The following NBAS variants were observed in gnomAD, a reference collection of about 807,000 sequenced individuals.
The protein encoded by NBAS is NBAS subunit of NRZ tethering complex.
NBAS carries 219 observed loss-of-function variants against 302.5 expected under a neutral mutation model. The ratio of observed to expected loss-of-function variants is 0.72; its 90% CI spans 0.65 to 0.81. The LOEUF (loss-of-function observed/expected upper bound fraction) is 0.81. Among genes scored for constraint, NBAS ranks in the 30% least tolerant of loss-of-function variants. The pLI, the probability that NBAS is intolerant of heterozygous loss-of-function variation, is 0.00. For synonymous variants in NBAS, 1,118 were observed against 1,021.6 expected, an observed-to-expected ratio of 1.09 and a Z score of -1.80; for missense variants, 2,932 against 2,841.6, an observed-to-expected ratio of 1.03 and a Z score of -0.72.
At chr2:14,833,093 G>T in the NBAS span, among the ~76,000 whole-genome samples, 1 of 152,156 alleles carries the variant, frequency 6.6e-6, no homozygotes, top group Non-Finnish European at 1.5e-5. Context: ...GTCTATCTCA[G>T]AATCTTTAAG....
rs141933916 is a variant in NBAS, at chr2:15,473,278, A to G, written c.1669T>C (p.Tyr557His). The change falls in exon 16 of 52, where the codon TAT becomes CAT. Residue 557 changes from tyrosine (Y) to histidine (H), a missense_variant. By Grantham distance (83) the Tyr-to-His change is moderately conservative (BLOSUM62 2). Coordinates refer to ENST00000281513, the MANE Select transcript of NBAS (RefSeq NM_015909.4). ...GCTGACTTCCTCCACTGCCTCTGAT[A>G]TACAAGGTCAGTATCCAGGCCGTAG... is the stretch of plus-strand genomic sequence containing the variant. ...HTYGLDTDLV[Y>H]QRQWRKSAVN... 91 of 1,614,122 alleles carry G rather than the reference A, an allele frequency of 5.6e-5. No individual in the cohort carries two copies. The African/African-American group carries it at 1.1e-3, about 20-fold the overall frequency.
the NBAS span, among the ~76,000 whole-genome samples, chr2:14,874,889 A>T: frequency 6.6e-6 from 1 of 152,106 alleles, no homozygotes; most frequent in Non-Finnish European, 1.5e-5. Flanking sequence ...CTAAGAAACT[A>T]AAAAAACAAA....
chr2:15,008,901 A>T, the NBAS span, among the ~76,000 whole-genome samples: 1 of 152,138 alleles, frequency 6.6e-6, no homozygotes, highest in Non-Finnish European at 1.5e-5. Flanking sequence ...GGTCCCTTTG[A>T]TCCTCATAAA....
At position 15,332,973 on chromosome 2, in the gene NBAS, G is replaced by A. The variant is rs577839799; in HGVS notation, c.4180-2208C>T. On this transcript the variant is annotated intron_variant, in intron 35 of 51. Transcript: ENST00000281513. Reference sequence around the variant, plus strand: ...CTACTAGGCAATGGGGTGACAAAAAGGAGTAAGACACAGGCTCTGCCCTCA... The same window carrying A: ...CTACTAGGCAATGGGGTGACAAAAAAGAGTAAGACACAGGCTCTGCCCTCA... 7.2e-5 allele frequency among the ~76,000 whole-genome samples: 11 copies of A among 152,280 alleles called. No homozygotes were observed. The East Asian group carries it at 2.1e-3, about 29-fold the overall frequency.
intron 9 of NBAS, 33 bp downstream of exon 9, chr2:15,534,510 T>A: frequency 1.4e-6 from 2 of 1,423,888 alleles, no homozygotes; most frequent in Non-Finnish European, 2.0e-6. Context: ...CATTTCTATG[T>A]CCCACTAAAT....
intron 9 of NBAS, among the ~76,000 whole-genome samples, chr2:15,527,213 A>G (rs890579104): frequency 2.0e-5 from 3 of 152,214 alleles, no homozygotes; most frequent in Non-Finnish European, 4.4e-5. Flanking sequence ...TCAAAAAATA[A>G]GAGTTACTTA....
intron 14 of NBAS, 28 bp from the exon 15 acceptor site, chr2:15,474,352 A>C: frequency 6.3e-7 from 1 of 1,582,980 alleles, no homozygotes; most frequent in Non-Finnish European, 8.6e-7. Context: ...ATTTGAAGTT[A>C]ATAGTAAGGA....
At chr2:14,906,397 T>C in the NBAS span, among the ~76,000 whole-genome samples, 8 of 152,218 alleles carry the variant, frequency 5.3e-5, no homozygotes, top group East Asian at 1.5e-3. Context: ...GGATTCACAC[T>C]CACATCTCAT....
chr2:15,408,919 G>C (rs1024869), intron 25 of NBAS, among the ~76,000 whole-genome samples: 91,968 of 151,898 alleles, frequency 0.61, 28,816 homozygotes, highest in Non-Finnish European at 0.68. Context: ...TGCCTGTATT[G>C]CTAGTGCTTT....
intron 44 of NBAS, among the ~76,000 whole-genome samples, chr2:15,254,358 C>T (rs1035564727): frequency 1.3e-5 from 2 of 152,182 alleles, no homozygotes; most frequent in Non-Finnish European, 2.9e-5. Flanking sequence ...AACTCCATTT[C>T]CAGCATGGCA....
the NBAS span, among the ~76,000 whole-genome samples, chr2:15,035,115 G>T: frequency 6.9e-6 from 1 of 145,198 alleles, no homozygotes; most frequent in East Asian, 2.0e-4. Flanking sequence ...GGGAGTGTGG[G>T]GTTTTTTTTT....
At chr2:15,499,036 T>C (rs1022925970) in intron 11 of NBAS, among the ~76,000 whole-genome samples, 2 of 151,572 alleles carry the variant, frequency 1.3e-5, no homozygotes, top group Non-Finnish European at 1.5e-5. Context: ...TCAAACAATC[T>C]TCCCACCTCA....
the NBAS span, among the ~76,000 whole-genome samples, chr2:14,803,432 G>C: frequency 6.6e-6 from 1 of 152,104 alleles, no homozygotes; most frequent in South Asian, 2.1e-4. Context: ...TCACTACCTT[G>C]GCCTTCCTAG....
At chr2:15,183,220 G>T (rs142660656) in intron 50 of NBAS, among the ~76,000 whole-genome samples, 1 of 152,036 alleles carries the variant, frequency 6.6e-6, no homozygotes, top group Non-Finnish European at 1.5e-5. Context: ...ATTCACATTT[G>T]AGCACATTTA....
chr2:15,105,719 A>G, the NBAS span, among the ~76,000 whole-genome samples: 1 of 152,160 alleles, frequency 6.6e-6, no homozygotes, highest in African/African-American at 2.4e-5. Context: ...ATTAGGCACA[A>G]CCACAATTCT....
chr2:15,491,711 G>A (rs1427574910), intron 11 of NBAS, among the ~76,000 whole-genome samples: 1 of 151,610 alleles, frequency 6.6e-6, no homozygotes, highest in African/African-American at 2.4e-5. Context: ...ACTCCAGCCT[G>A]GGCGACAGAG....
the NBAS span, among the ~76,000 whole-genome samples, chr2:15,110,905 C>A: frequency 6.6e-6 from 1 of 151,942 alleles, no homozygotes; most frequent in African/African-American, 2.4e-5. Flanking sequence ...AAATAAAGGG[C>A]TTGAAGAAAC....
chr2:14,862,111 C>T, the NBAS span, among the ~76,000 whole-genome samples: 1 of 151,730 alleles, frequency 6.6e-6, no homozygotes, highest in Non-Finnish European at 1.5e-5. Flanking sequence ...CCATTCCTGG[C>T]ATTCTGGAAG....
chr2:15,427,387 A>C (rs1296884830), intron 22 of NBAS, among the ~76,000 whole-genome samples: 1 of 152,176 alleles, frequency 6.6e-6, no homozygotes, highest in Non-Finnish European at 1.5e-5. Context: ...AAACTGATCA[A>C]GAACAAAATT....
Sources: allele counts gnomAD v4.1 joint callset (sites outside exome capture counted in the v4.1 genomes callset), GRCh38; gene constraint gnomAD v4.1.1; transcripts MANE v1.5; gene names NCBI Gene and HGNC (gene_info 2026-07-23, HGNC 2026-07-21).